Variants in DSCAM observed in about 807,000 individuals in gnomAD.
The protein encoded by DSCAM is cell adhesion molecule DSCAM.
DSCAM carries 47 observed loss-of-function variants against 217.7 expected under a neutral mutation model. That is an observed-to-expected ratio of 0.22 (90% CI 0.17 to 0.28). DSCAM has a LOEUF of 0.28. Among genes scored for constraint, DSCAM ranks in the 10% least tolerant of loss-of-function variants. DSCAM has a pLI of 1.00. For missense variants in DSCAM, 2,080 were observed against 2,618.3 expected (o/e 0.79, Z 4.49); for synonymous variants, 1,056 against 1,015.3 (o/e 1.04, Z -0.76).
chr21:40,104,563 T>A (rs145967544), intron 20 of DSCAM, among the ~76,000 whole-genome samples: 44 of 152,126 alleles, frequency 2.9e-4, no homozygotes, highest in Non-Finnish European at 6.3e-4. Flanking sequence ...GTGGGATGAA[T>A]AGGAGGAGCA....
In DSCAM at chr21:40,517,601, G is replaced by A. The variant is rs192992629; in HGVS notation, c.509-148356C>T. Among the ~76,000 whole-genome samples the A allele has an allele frequency of 4.0e-5, 6 of 150,496 alleles. No individual in the cohort carries two copies. In the East Asian group the frequency reaches 7.8e-4, roughly 20 times the overall value. ...GATGCCATTTAACATTCTGTTTTCA[G>A]TCTTAATGTGCATTTAGCCCATTCT... On this transcript the variant is annotated intron_variant, in intron 3 of 32. Coordinates refer to ENST00000400454, the MANE Select transcript of DSCAM (RefSeq NM_001389.5).
chr21:40,047,240 C>G (rs139466058), intron 30 of DSCAM, among the ~76,000 whole-genome samples: 47 of 152,226 alleles, frequency 3.1e-4, no homozygotes, highest in Non-Finnish European at 7.4e-5. Context: ...GAACTGAACT[C>G]TGCTGTATGA....
At chr21:40,277,752 C>A (rs1220556257) in intron 10 of DSCAM, among the ~76,000 whole-genome samples, 1 of 150,380 alleles carries the variant, frequency 6.6e-6, no homozygotes, top group Non-Finnish European at 1.5e-5. Context: ...TCCTGCTAAT[C>A]CCAGCTACTT....
chr21:40,044,852 C>T (rs1392213342), intron 30 of DSCAM, among the ~76,000 whole-genome samples: 1 of 152,194 alleles, frequency 6.6e-6, no homozygotes, highest in Non-Finnish European at 1.5e-5. Context: ...AACATGACCT[C>T]CTTTCTACAT....
intron 15 of DSCAM, among the ~76,000 whole-genome samples, chr21:40,177,741 GAT>G (rs773906197): frequency 2.6e-5 from 4 of 152,224 alleles, no homozygotes; most frequent in Non-Finnish European, 4.4e-5. Context: ...CATAGTGAGA[GAT>G]ATCATTACAA....
chr21:40,023,052 G>A (rs571245414), intron 32 of DSCAM, among the ~76,000 whole-genome samples: 58 of 132,668 alleles, frequency 4.4e-4, no homozygotes, highest in Non-Finnish European at 7.3e-4. Flanking sequence ...TCCCCAGAGT[G>A]TGATGTTCCC....
intron 1 of DSCAM, among the ~76,000 whole-genome samples, chr21:40,717,443 C>A (rs76488594): frequency 0.072 from 10,903 of 152,260 alleles, 432 homozygotes; most frequent in African/African-American, 0.11. Flanking sequence ...ATGTCTATCC[C>A]CTGAAGAACA....
At chr21:40,047,266 C>A (rs919792673) in intron 30 of DSCAM, among the ~76,000 whole-genome samples, 1 of 152,142 alleles carries the variant, frequency 6.6e-6, no homozygotes, top group Non-Finnish European at 1.5e-5. Flanking sequence ...ACTAAGATAG[C>A]AGCTAAAATA....
At chr21:40,375,560 T>C (rs1008983280) in intron 3 of DSCAM, among the ~76,000 whole-genome samples, 3 of 152,354 alleles carry the variant, frequency 2.0e-5, no homozygotes, top group African/African-American at 4.8e-5. Flanking sequence ...CACATGATCA[T>C]GGTCATTCAT....
At chr21:40,057,010 G>A (rs1280937784) in intron 28 of DSCAM, among the ~76,000 whole-genome samples, 1 of 152,170 alleles carries the variant, frequency 6.6e-6, no homozygotes, top group Admixed American at 6.5e-5. Flanking sequence ...CAAAGTGAAG[G>A]TCACTCAAGT....
chr21:40,476,431 G>A (rs2075936491), intron 3 of DSCAM, among the ~76,000 whole-genome samples: 1 of 152,154 alleles, frequency 6.6e-6, no homozygotes, highest in Admixed American at 6.5e-5. Flanking sequence ...CATGCAAAAT[G>A]CACAGGTAAG....
intron 28 of DSCAM, among the ~76,000 whole-genome samples, chr21:40,061,188 C>CA (rs569797650): frequency 6.6e-6 from 1 of 152,062 alleles, no homozygotes; most frequent in Non-Finnish European, 1.5e-5. Flanking sequence ...ACCTACCTTC[C>CA]AAAAAAATCA....
At chr21:40,396,413 C>T (rs189104989) in intron 3 of DSCAM, among the ~76,000 whole-genome samples, 6 of 152,184 alleles carry the variant, frequency 3.9e-5, no homozygotes, top group Middle Eastern at 3.4e-3. Flanking sequence ...GTAATGGGAA[C>T]GGTTTCCCAA....
chr21:40,090,614 C>T (rs950036563), intron 21 of DSCAM, among the ~76,000 whole-genome samples: 2 of 152,106 alleles, frequency 1.3e-5, no homozygotes, highest in African/African-American at 4.8e-5. Context: ...CCTCCTGGCT[C>T]TGCTGCCTCT....
intron 8 of DSCAM, among the ~76,000 whole-genome samples, chr21:40,317,722 G>A (rs1304674880): frequency 6.6e-6 from 1 of 151,810 alleles, no homozygotes; most frequent in Non-Finnish European, 1.5e-5. Context: ...TAGTAGAGAC[G>A]GGGTTTCACC....
At chr21:40,542,541 G>C (rs1412206804) in intron 3 of DSCAM, among the ~76,000 whole-genome samples, 2 of 152,212 alleles carry the variant, frequency 1.3e-5, no homozygotes, top group African/African-American at 4.8e-5. Context: ...AGTGCCCTTA[G>C]AAAAGACGCA....
intron 3 of DSCAM, among the ~76,000 whole-genome samples, chr21:40,637,127 ATAAATATATAAATAT>A (rs1568953402): frequency 1.1e-4 from 10 of 89,050 alleles, no homozygotes; most frequent in Non-Finnish European, 1.6e-4. Context: ...ATATATATAT[ATAAATATATAAATAT>A]ATATATAAAT....
At position 40,012,907 on chromosome 21, in the gene DSCAM, C is replaced by CT. The variant is rs11451228; in HGVS notation, c.*126dup. The CT allele has an allele frequency of 0.22, 120,265 of 538,504 alleles. 5,354 individuals are homozygous for CT. Among genetic ancestry groups the CT allele is most frequent in the Admixed American group, 0.4 (8,581 of 21,590 alleles). The allele number at this position is 538,504 out of a possible 1,614,324, so 33.4% of individuals were successfully genotyped here. ...ACTGTCTGTGGTTTCAGTATTTTCT[C>CT]TTTTTTTTTTTTAATATATTTTGGC... On this transcript the variant is annotated 3_prime_UTR_variant, in exon 33 of 33. Transcript: ENST00000400454.
chr21:40,711,491 CA>C (rs1261605037), intron 1 of DSCAM, among the ~76,000 whole-genome samples: 1 of 152,208 alleles, frequency 6.6e-6, no homozygotes, highest in Non-Finnish European at 1.5e-5. Context: ...AGCATCCAAG[CA>C]TTGGCACAAG....
Sources: allele counts gnomAD v4.1 joint callset (sites outside exome capture counted in the v4.1 genomes callset), GRCh38; gene constraint gnomAD v4.1.1; transcripts MANE v1.5; gene names NCBI Gene and HGNC (gene_info 2026-07-23, HGNC 2026-07-21).